Variants in CYP19A1 observed in about 807,000 individuals in gnomAD.
CYP19A1 encodes the protein cytochrome P450 family 19 subfamily A member 1.
CYP19A1 carries 32 observed loss-of-function variants against 44.4 expected under a neutral mutation model. That is an observed-to-expected ratio of 0.72 (90% confidence interval 0.54 to 0.97). The LOEUF is 0.97. CYP19A1 is among the 50% of genes least tolerant of loss of function. The probability of loss-of-function intolerance (pLI) is 0.00; values close to 1 mark genes in which losing one functional copy is unlikely to be tolerated. For synonymous variants in CYP19A1, 212 were observed against 215.6 expected (o/e 0.98, Z 0.14); for missense variants, 598 against 637.8 (o/e 0.94, Z 0.67).
intron 1 of CYP19A1, among the ~76,000 whole-genome samples, chr15:51,264,762 G>C (rs4441215): frequency 0.62 from 94,598 of 151,866 alleles, 30,257 homozygotes; most frequent in African/African-American, 0.76. Context: ...TGGTTACAGC[G>C]GTGGCACACC....
chr15:51,330,844 G>T (rs1424030565), intron 1 of CYP19A1, among the ~76,000 whole-genome samples: 1 of 152,230 alleles, frequency 6.6e-6, no homozygotes, highest in Non-Finnish European at 1.5e-5. Flanking sequence ...GAGACTTCAA[G>T]TAAGATTGAC....
At chr15:51,269,524 G>A (rs1041628985) in intron 1 of CYP19A1, among the ~76,000 whole-genome samples, 1 of 151,964 alleles carries the variant, frequency 6.6e-6, no homozygotes, top group Non-Finnish European at 1.5e-5. Context: ...TTGCCATGGA[G>A]GTGGACTGCT....
At chr15:51,259,753 G>A (rs1211929818) in intron 1 of CYP19A1, among the ~76,000 whole-genome samples, 1 of 152,144 alleles carries the variant, frequency 6.6e-6, no homozygotes, top group Non-Finnish European at 1.5e-5. Flanking sequence ...AGACAGATGG[G>A]GAGAAGCCAC....
intron 1 of CYP19A1, among the ~76,000 whole-genome samples, chr15:51,286,442 C>A (rs974332292): frequency 6.6e-6 from 1 of 152,178 alleles, no homozygotes; most frequent in Admixed American, 6.5e-5. Flanking sequence ...TTTGTTTGTT[C>A]TTTTCCCCTG....
intron 1 of CYP19A1, among the ~76,000 whole-genome samples, chr15:51,254,948 T>C (rs1269877788): frequency 1.3e-5 from 2 of 152,180 alleles, no homozygotes; most frequent in Non-Finnish European, 2.9e-5. Context: ...TTCCTGTTAG[T>C]TGGCTAACAG....
intron 2 of CYP19A1, among the ~76,000 whole-genome samples, chr15:51,241,541 C>G (rs910407798): frequency 6.6e-6 from 1 of 152,030 alleles, no homozygotes; most frequent in East Asian, 1.9e-4. Flanking sequence ...AAAAGGCTCT[C>G]CACCCCCACC....
intron 1 of CYP19A1, among the ~76,000 whole-genome samples, chr15:51,315,136 C>A (rs113904780): frequency 6.6e-6 from 1 of 152,156 alleles, no homozygotes; most frequent in Non-Finnish European, 1.5e-5. Context: ...CTCCAACAGG[C>A]CTTTCAAAGT....
In CYP19A1 at chr15:51,215,283, A is replaced by C. The variant is rs746837828; in HGVS notation, c.859-51T>G. ...TTTGGAAAAGTGAATCAAAGTTTCA[A>C]AAAATGAGGGGAGGTGACACTCAAG... On this transcript the variant is annotated intron_variant, in intron 7 of 9. Coordinates refer to ENST00000396402, the MANE Select transcript of CYP19A1 (RefSeq NM_000103.4). 8 of 1,613,106 alleles carry C rather than the reference A, an allele frequency of 5.0e-6. No homozygotes were observed. In the African/African-American group the frequency reaches 1.1e-4, roughly 22 times the overall value.
intron 1 of CYP19A1, among the ~76,000 whole-genome samples, chr15:51,277,819 CG>C (rs2035367820): frequency 6.6e-6 from 1 of 151,820 alleles, no homozygotes; most frequent in African/African-American, 2.4e-5. Flanking sequence ...ACAAATATCA[CG>C]TTTTTTTAAA....
chr15:51,322,629 C>G (rs1432044935), intron 1 of CYP19A1, among the ~76,000 whole-genome samples: 1 of 152,216 alleles, frequency 6.6e-6, no homozygotes. Context: ...GAGCCCTTGT[C>G]ATAATCTGAT....
At chr15:51,259,422 G>C (rs1329890615) in intron 1 of CYP19A1, among the ~76,000 whole-genome samples, 1 of 152,150 alleles carries the variant, frequency 6.6e-6, no homozygotes, top group Admixed American at 6.5e-5. Context: ...GTTTCAAGGG[G>C]GATTTGGGGG....
intron 1 of CYP19A1, among the ~76,000 whole-genome samples, chr15:51,267,533 G>C (rs932562636): frequency 1.3e-5 from 2 of 152,108 alleles, no homozygotes; most frequent in African/African-American, 4.8e-5. Context: ...GGTCTGCGCC[G>C]CCCCCACGTC....
At chr15:51,282,292 G>C (rs766499016) in intron 1 of CYP19A1, among the ~76,000 whole-genome samples, 1 of 152,220 alleles carries the variant, frequency 6.6e-6, no homozygotes, top group Non-Finnish European at 1.5e-5. Context: ...GGGCTTGCAT[G>C]TCTGACATAA....
chr15:51,272,879 G>A (rs74979835), intron 1 of CYP19A1, among the ~76,000 whole-genome samples: 5,701 of 152,192 alleles, frequency 0.037, 350 homozygotes, highest in African/African-American at 0.13. Context: ...ACACTGATTC[G>A]TCTTTTTCAG....
At chr15:51,263,429 C>T (rs948200482) in intron 1 of CYP19A1, among the ~76,000 whole-genome samples, 4 of 152,094 alleles carry the variant, frequency 2.6e-5, no homozygotes, top group Non-Finnish European at 5.9e-5. Context: ...GGTCAAAAAG[C>T]GTGGCTGTTA....
chr15:51,215,161 G>C lies in CYP19A1; in HGVS notation c.930C>G (p.Thr310=). The change falls in exon 8 of 10, where the codon ACC becomes ACG. Residue 310 remains threonine, a synonymous_variant. Transcript: ENST00000396402. ...ILEMLIAAPD[T]MSVSLFFMLF... Reference sequence around the variant, plus strand: ...GCATGAAGAACAAAGAGACAGACATGGTGTCAGGAGCTGCGATCAGCATTT... The same window carrying C: ...GCATGAAGAACAAAGAGACAGACATCGTGTCAGGAGCTGCGATCAGCATTT... 1.2e-6 allele frequency: 2 copies of C among 1,614,080 alleles called. No homozygotes were observed. The highest frequency in any genetic ancestry group is 1.7e-4 in the Middle Eastern group (1 of 6,060).
chr15:51,252,840 C>T (rs1034477406), intron 1 of CYP19A1, among the ~76,000 whole-genome samples: 18 of 152,280 alleles, frequency 1.2e-4, no homozygotes, highest in Non-Finnish European at 2.4e-4. Flanking sequence ...GTTGCTCTTA[C>T]GGAGTTAATC....
intron 1 of CYP19A1, among the ~76,000 whole-genome samples, chr15:51,273,985 C>T (rs2035215629): frequency 6.9e-6 from 1 of 145,286 alleles, no homozygotes; most frequent in Non-Finnish European, 1.5e-5. Flanking sequence ...CCAGCCTGGG[C>T]CACAGAGTGA....
rs556881437 is a variant in CYP19A1, at chr15:51,294,603, G to A, written c.-39+43892C>T. Among the ~76,000 whole-genome samples, 1,012 of 147,712 alleles carry A rather than the reference G, an allele frequency of 6.9e-3. 18 individuals carry two copies. The highest frequency in any genetic ancestry group is 0.025 in the African/African-American group (965 of 38,596). ...AGGTGGGGGGATCAGCCCCCCGCCC[G>A]GCCAGCTGCCCTGTCCGGGAGGGAG... On this transcript the variant is annotated intron_variant, in intron 1 of 9. Transcript: ENST00000396402.
Sources: allele counts gnomAD v4.1 joint callset (sites outside exome capture counted in the v4.1 genomes callset), GRCh38; gene constraint gnomAD v4.1.1; transcripts MANE v1.5; gene names NCBI Gene and HGNC (gene_info 2026-07-23, HGNC 2026-07-21).